Variants in PTCHD4 observed in about 807,000 individuals in gnomAD.
The protein encoded by PTCHD4 is patched domain containing 4.
A neutral mutation model predicts 58.1 loss-of-function variants in PTCHD4; 33 were observed. The observed-to-expected ratio is 0.57, with a 90% CI of 0.43 to 0.76. The LOEUF is 0.76. Among genes scored for constraint, PTCHD4 ranks in the 30% least tolerant of loss-of-function variants. The pLI, the probability that PTCHD4 is intolerant of heterozygous loss-of-function variation, is 0.00. For missense variants in PTCHD4, 1,058 were observed against 1,027.1 expected, an observed-to-expected ratio of 1.03 and a Z score of -0.41; for synonymous variants, 478 against 409.6, an observed-to-expected ratio of 1.17 and a Z score of -2.02.
In PTCHD4 at chr6:47,876,420, A is replaced by T. The variant is rs2114089886; in HGVS notation, c.*1883T>A. Reference sequence around the variant, plus strand: ...CATTTAATAAATGAAATATTACTTAAATGTTTTCATTTTAGGGTCTGTTCC... The same window carrying T: ...CATTTAATAAATGAAATATTACTTATATGTTTTCATTTTAGGGTCTGTTCC... On this transcript the variant is annotated 3_prime_UTR_variant, in exon 5 of 5. Transcript: ENST00000339488. 6.6e-6 allele frequency among the ~76,000 whole-genome samples: 1 copy of T among 152,022 alleles called. No homozygotes were observed. Among genetic ancestry groups the T allele is most frequent in the Non-Finnish European group, 1.5e-5 (1 of 67,920 alleles).
chr6:47,867,519 C>T lies in PTCHD4; in HGVS notation c.*10784G>A. ...TCCCTCTCCAAAATCCAAGTAACTC[C>T]CCATATCCTGGCAATGCTTTATAAT... is the stretch of plus-strand genomic sequence containing the variant. On this transcript the variant is annotated 3_prime_UTR_variant, in exon 5 of 5. Transcript: ENST00000339488. Among the ~76,000 whole-genome samples the T allele has an allele frequency of 6.7e-6, 1 of 150,058 alleles. No individual in the cohort carries two copies. Among genetic ancestry groups the T allele is most frequent in the South Asian group, 2.1e-4 (1 of 4,806 alleles).
At chr6:47,894,241 C>T (rs1478362539) in intron 4 of PTCHD4, among the ~76,000 whole-genome samples, 2 of 152,198 alleles carry the variant, frequency 1.3e-5, no homozygotes, top group African/African-American at 2.4e-5. Flanking sequence ...GCAATCAGTC[C>T]CCTTTCAGCA....
At chr6:48,021,763 C>T (rs1475309591) in intron 3 of PTCHD4, among the ~76,000 whole-genome samples, 1 of 152,054 alleles carries the variant, frequency 6.6e-6, no homozygotes, top group Non-Finnish European at 1.5e-5. Context: ...TTCTATTTTG[C>T]TTTGCTGTCT....
At chr6:47,891,001 A>C in intron 4 of PTCHD4, 1 of 306,020 alleles carries the variant, frequency 3.3e-6, no homozygotes, top group African/African-American at 2.3e-5. Context: ...TGAGGTCAGG[A>C]GTTTGAGACC....
chr6:48,037,387 A>G (rs2114144675), intron 3 of PTCHD4, among the ~76,000 whole-genome samples: 1 of 152,304 alleles, frequency 6.6e-6, no homozygotes, highest in Admixed American at 6.5e-5. Flanking sequence ...CTTGGACTGC[A>G]TCCCTTGTGG....
At chr6:47,951,577 C>A (rs898062828) in intron 4 of PTCHD4, among the ~76,000 whole-genome samples, 1 of 152,124 alleles carries the variant, frequency 6.6e-6, no homozygotes, top group Admixed American at 6.6e-5. Context: ...ACTCAGAAAT[C>A]ATTTACTGAA....
chr6:47,891,338 G>T (rs762481699), intron 4 of PTCHD4, among the ~76,000 whole-genome samples: 6 of 151,646 alleles, frequency 4.0e-5, no homozygotes, highest in Non-Finnish European at 8.8e-5. Flanking sequence ...GCTGTGTTGA[G>T]TGTTATCTTC....
chr6:47,905,085 A>ACACACACACACACG (rs1491511515), intron 4 of PTCHD4, among the ~76,000 whole-genome samples: 1 of 150,410 alleles, frequency 6.6e-6, no homozygotes, highest in Admixed American at 6.6e-5. Flanking sequence ...ACACACACAC[A>ACACACACACACACG]TAAATGAATG....
At chr6:48,042,830 T>G (rs1353281322) in intron 3 of PTCHD4, among the ~76,000 whole-genome samples, 2 of 151,940 alleles carry the variant, frequency 1.3e-5, no homozygotes, top group African/African-American at 4.8e-5. Flanking sequence ...AATAAGGTGA[T>G]TAATCAGAAA....
intron 4 of PTCHD4, among the ~76,000 whole-genome samples, chr6:47,956,893 G>A (rs1766882996): frequency 6.6e-6 from 1 of 152,066 alleles, no homozygotes; most frequent in Non-Finnish European, 1.5e-5. Flanking sequence ...GTTGGGCGTG[G>A]TGATTCATGC....
In PTCHD4 at chr6:47,961,325, C is replaced by T. The variant is rs540731914; in HGVS notation, c.898+47309G>A. Among the ~76,000 whole-genome samples, 58 of 150,996 alleles carry T rather than the reference C, an allele frequency of 3.8e-4. 1 individual carries two copies. The South Asian group carries it at 0.011, about 30-fold the overall frequency. On this transcript the variant is annotated intron_variant, in intron 4 of 4. Coordinates refer to ENST00000339488, the MANE Select transcript of PTCHD4 (RefSeq NM_001384253.1). The stretch of plus-strand genomic sequence containing the variant: ...TTTTCTTTCTTGAGACGGAGTCTTG[C>T]TCTGTCACCCAGGCTGGAGTCAGTG...
chr6:47,915,798 C>G (rs1054326664), intron 4 of PTCHD4, among the ~76,000 whole-genome samples: 1 of 152,046 alleles, frequency 6.6e-6, no homozygotes, highest in African/African-American at 2.4e-5. Context: ...CACAAAGTAC[C>G]TGAGAACACC....
intron 4 of PTCHD4, among the ~76,000 whole-genome samples, chr6:47,887,485 C>T (rs1261620594): frequency 6.6e-6 from 1 of 152,082 alleles, no homozygotes; most frequent in East Asian, 1.9e-4. Flanking sequence ...CCCATTTCCT[C>T]CTCTGTTCAG....
intron 1 of PTCHD4, among the ~76,000 whole-genome samples, chr6:48,089,922 A>T (rs1417201703): frequency 6.6e-6 from 1 of 152,130 alleles, no homozygotes; most frequent in East Asian, 1.9e-4. Context: ...CGTATTTTCC[A>T]TCTGCCTTCT....
Position 48,074,870 on chromosome 6 carries a change from T to C in PTCHD4, c.-969-4944A>G, listed in dbSNP as rs567991005. Among the ~76,000 whole-genome samples, 82 of 152,336 alleles carry C rather than the reference T, an allele frequency of 5.4e-4. 3 individuals carry two copies. In the South Asian group the frequency reaches 0.015, roughly 28 times the overall value. On this transcript the variant is annotated intron_variant, in intron 1 of 4. Transcript: ENST00000339488. Reference sequence around the variant, plus strand: ...TCAAATGAATTGACTTACTGATTTTTAATTCATTTATGTTAAAAAGCTTTA... The same window carrying C: ...TCAAATGAATTGACTTACTGATTTTCAATTCATTTATGTTAAAAAGCTTTA...
At chr6:47,973,152 C>G (rs1767578419) in intron 4 of PTCHD4, among the ~76,000 whole-genome samples, 1 of 151,948 alleles carries the variant, frequency 6.6e-6, no homozygotes, top group Non-Finnish European at 1.5e-5. Context: ...GAAAGAGACA[C>G]AAACAGAATG....
intron 4 of PTCHD4, among the ~76,000 whole-genome samples, chr6:47,895,245 C>T (rs1453515436): frequency 6.6e-6 from 1 of 152,118 alleles, no homozygotes; most frequent in African/African-American, 2.4e-5. Flanking sequence ...AGCTTGGCCA[C>T]GTGACTACCA....
At chr6:48,056,985 A>G (rs1168651905) in intron 3 of PTCHD4, among the ~76,000 whole-genome samples, 1 of 152,200 alleles carries the variant, frequency 6.6e-6, no homozygotes. Context: ...ACTTAAACCA[A>G]AAAGTTATTC....
At chr6:47,892,006 G>C (rs1764395800) in intron 4 of PTCHD4, among the ~76,000 whole-genome samples, 1 of 152,156 alleles carries the variant, frequency 6.6e-6, no homozygotes, top group Admixed American at 6.5e-5. Flanking sequence ...ACCACTAAAA[G>C]GGATGGCTTC....
Sources: allele counts gnomAD v4.1 joint callset (sites outside exome capture counted in the v4.1 genomes callset), GRCh38; gene constraint gnomAD v4.1.1; transcripts MANE v1.5; gene names NCBI Gene and HGNC (gene_info 2026-07-23, HGNC 2026-07-21).